The following PHF24 variants were observed in gnomAD, a reference collection of about 807,000 sequenced individuals.
The protein encoded by PHF24 is Galpha inhibitory interacting protein.
Under a neutral mutation model 42.6 loss-of-function variants are expected in PHF24, and 25 were observed. That is an observed-to-expected ratio of 0.59 (90% CI 0.43 to 0.82). The LOEUF is 0.82. PHF24 is among the 40% of genes least tolerant of loss of function. The pLI, the probability that PHF24 is intolerant of heterozygous loss-of-function variation, is 0.00. For missense variants in PHF24, 470 were observed against 538.1 expected (o/e 0.87, Z 1.25); for synonymous variants, 185 against 204.8 (o/e 0.90, Z 0.83).
the PHF24 span, among the ~76,000 whole-genome samples, chr9:34,820,097 G>A: frequency 0.6 from 90,528 of 150,080 alleles, 27,635 homozygotes; most frequent in Middle Eastern, 0.65. Flanking sequence ...TATTAATATA[G>A]CCACTCCACC....
At chr9:34,723,826 C>T in the PHF24 span, 2 of 1,551,724 alleles carry the variant, frequency 1.3e-6, no homozygotes, top group East Asian at 2.4e-5. Context: ...GACTGTCTTG[C>T]AGGTCCTTCT....
the PHF24 span, among the ~76,000 whole-genome samples, chr9:34,680,687 C>CAAAAAAAA: frequency 8.0e-6 from 1 of 124,636 alleles, no homozygotes; most frequent in Non-Finnish European, 1.7e-5. Context: ...GACTCCGTCT[C>CAAAAAAAA]AAAAAAAAAA....
the PHF24 span, among the ~76,000 whole-genome samples, chr9:34,754,013 T>C: frequency 6.6e-5 from 10 of 152,134 alleles, no homozygotes; most frequent in East Asian, 1.9e-3. Context: ...TAAATTTTGA[T>C]TTCAAAATGT....
chr9:34,918,209 C>A, the PHF24 span: 1 of 1,475,324 alleles, frequency 6.8e-7, no homozygotes, highest in South Asian at 1.1e-5. Flanking sequence ...CCTCTGCCAA[C>A]TGTGACCCCT....
At chr9:34,909,626 T>C in the PHF24 span, among the ~76,000 whole-genome samples, 1 of 142,094 alleles carries the variant, frequency 7.0e-6, no homozygotes, top group Non-Finnish European at 1.6e-5. Flanking sequence ...AAGAAATCCT[T>C]TTTTTTTTTT....
At chr9:34,772,840 A>G in the PHF24 span, among the ~76,000 whole-genome samples, 1 of 152,206 alleles carries the variant, frequency 6.6e-6, no homozygotes, top group Non-Finnish European at 1.5e-5. Flanking sequence ...ATAGATACAT[A>G]TGGTTACAAA....
chr9:34,776,520 T>C, the PHF24 span, among the ~76,000 whole-genome samples: 2 of 152,282 alleles, frequency 1.3e-5, no homozygotes, highest in African/African-American at 4.8e-5. Flanking sequence ...AAATAAATTA[T>C]TGAGTTCCAG....
At chr9:34,751,963 G>GA in the PHF24 span, among the ~76,000 whole-genome samples, 1 of 151,876 alleles carries the variant, frequency 6.6e-6, no homozygotes, top group African/African-American at 2.4e-5. Flanking sequence ...GTGGGTCAAT[G>GA]AAAAAAATAA....
the PHF24 span, among the ~76,000 whole-genome samples, chr9:34,846,691 T>C: frequency 4.6e-5 from 7 of 152,254 alleles, no homozygotes; most frequent in African/African-American, 1.7e-4. Flanking sequence ...ATGTCCTGAA[T>C]GGTAATGCCC....
At chr9:34,777,027 A>T in the PHF24 span, among the ~76,000 whole-genome samples, 2 of 152,322 alleles carry the variant, frequency 1.3e-5, no homozygotes, top group East Asian at 3.9e-4. Flanking sequence ...CTTAGGATGC[A>T]GTTATTAGAG....
the PHF24 span, chr9:34,709,067 G>A: frequency 2.3e-6 from 1 of 435,334 alleles, no homozygotes. Context: ...ACAAGGAAGA[G>A]GTGGGGTGTA....
At chr9:34,833,541 G>T in the PHF24 span, 1 of 1,551,652 alleles carries the variant, frequency 6.4e-7, no homozygotes, top group East Asian at 2.4e-5. Flanking sequence ...ATGTTCTCTG[G>T]TGCTGCAGCA....
the PHF24 span, among the ~76,000 whole-genome samples, chr9:34,909,200 C>T: frequency 2.0e-5 from 3 of 152,090 alleles, no homozygotes; most frequent in Non-Finnish European, 4.4e-5. Flanking sequence ...AGGCTGGCCT[C>T]GAACTCTCAG....
the PHF24 span, among the ~76,000 whole-genome samples, chr9:34,783,869 A>G: frequency 5.3e-5 from 8 of 152,214 alleles, no homozygotes. Context: ...ATTGATGTAT[A>G]ATGTTGCCTT....
chr9:34,707,099 G>C, the PHF24 span, among the ~76,000 whole-genome samples: 1 of 152,370 alleles, frequency 6.6e-6, no homozygotes, highest in Admixed American at 6.5e-5. Context: ...CATCCAGCCA[G>C]AGTGGGCACT....
chr9:34,727,444 G>A, the PHF24 span, among the ~76,000 whole-genome samples: 1 of 152,184 alleles, frequency 6.6e-6, no homozygotes, highest in Non-Finnish European at 1.5e-5. Context: ...TCTGCATTCT[G>A]GGGTATTTGG....
At chr9:34,832,057 T>C in the PHF24 span, among the ~76,000 whole-genome samples, 1 of 152,170 alleles carries the variant, frequency 6.6e-6, no homozygotes, top group Non-Finnish European at 1.5e-5. Flanking sequence ...CTTTTTAGCC[T>C]CCCTCACACC....
At chr9:34,731,267 T>A in the PHF24 span, among the ~76,000 whole-genome samples, 1 of 152,260 alleles carries the variant, frequency 6.6e-6, no homozygotes, top group Non-Finnish European at 1.5e-5. Flanking sequence ...ATTTATCGCT[T>A]CTTTGTGTTA....
intron 1 of PHF24, among the ~76,000 whole-genome samples, chr9:34,967,097 C>T (rs1009347205): frequency 1.1e-4 from 16 of 152,016 alleles, no homozygotes; most frequent in African/African-American, 3.6e-4. Context: ...CTCTTGGATA[C>T]AATAGGTTTT....
Sources: allele counts gnomAD v4.1 joint callset (sites outside exome capture counted in the v4.1 genomes callset), GRCh38; gene constraint gnomAD v4.1.1; transcripts MANE v1.5; gene names NCBI Gene and HGNC (gene_info 2026-07-23, HGNC 2026-07-21).